CYTH2: variants seen among roughly 807,000 people sequenced by gnomAD.
CYTH2 encodes the protein cytohesin 2, also known as cytohesin-2.
A neutral mutation model predicts 55.4 loss-of-function variants in CYTH2; 24 were observed. The observed-to-expected ratio is 0.43, with a 90% CI of 0.31 to 0.61. The LOEUF (loss-of-function observed/expected upper bound fraction) is 0.61, where lower values mean the gene tolerates loss of function less well. Among genes scored for constraint, CYTH2 ranks in the 20% least tolerant of loss-of-function variants. The pLI, the probability that CYTH2 is intolerant of heterozygous loss-of-function variation, is 0.08. For missense variants in CYTH2, 378 were observed against 533.5 expected (o/e 0.71, Z 2.87); for synonymous variants, 221 against 209.6 (o/e 1.05, Z -0.47).
At chr19:48,475,052 A>G in intron 8 of CYTH2, 103 bp downstream of exon 8, 1 of 1,032,614 alleles carries the variant, frequency 9.7e-7, no homozygotes, top group East Asian at 2.5e-5. Flanking sequence ...AACTGAGGCA[A>G]ATGATTCGAC....
chr19:48,474,263 T>C lies in CYTH2; in HGVS notation c.629T>C (p.Leu210Pro). ...HNPNVRDKPG[L>P]ERFVAMNRGI... ...CCCAATGTCCGGGACAAGCCGGGCC[T>C]GGAGCGCTTTGTGGCCATGAACCGG... The change falls in exon 7 of 12, where the codon CTG (leucine) becomes CCG (proline). Residue 210 changes from leucine to proline, a missense_variant. Transcript: ENST00000452733. The surrounding 1 kb of genome is among the most constrained non-coding windows in gnomAD (Gnocchi z 4.9). The C allele has an allele frequency of 8.1e-6, 13 of 1,613,714 alleles. No individual in the cohort carries two copies. Among genetic ancestry groups the C allele is most frequent in the Non-Finnish European group, 1.1e-5 (13 of 1,179,786 alleles).
Position 48,470,761 on chromosome 19 carries a change from G to T in CYTH2, c.234+92G>T. ...GGTTCCAGAAGCGTGATGGTGCCGG[G>T]TCTATTCTAGGTGGACAGACTTGGT... On this transcript the variant is annotated intron_variant, in intron 3 of 11. Coordinates refer to ENST00000452733, the MANE Select transcript of CYTH2 (RefSeq NM_004228.7). 5 of 1,416,790 alleles carry T rather than the reference G, an allele frequency of 3.5e-6. No homozygotes were observed. In the Admixed American group the frequency reaches 7.0e-5, roughly 20 times the overall value. The allele number at this position is 1,416,790 out of a possible 1,614,324, so 87.8% of individuals were successfully genotyped here.
In CYTH2 at chr19:48,471,125, G is replaced by A. The variant is rs541635276; in HGVS notation, c.234+456G>A. On this transcript the variant is annotated intron_variant, in intron 3 of 11. Transcript: ENST00000452733. ...CAGGTCGGGTTTGAAGGATGAGTAG[G>A]TGTTCACCAGGTGGAGGAAAGGCTT... 5.1e-4 allele frequency among the ~76,000 whole-genome samples: 76 copies of A among 150,082 alleles called. 2 individuals carry two copies. In the South Asian group the frequency reaches 0.014, roughly 28 times the overall value.
rs1221507652 is a variant in CYTH2 at position 48,479,226 on chromosome 19, T to G, written c.*16T>G. ...GCAGCCCTGACCCCCTGCCCCCAAC[T>G]CCATTATTTATTACGGAGCTGCCCC... On this transcript the variant is annotated 3_prime_UTR_variant, in exon 12 of 12. Coordinates refer to ENST00000452733, the MANE Select transcript of CYTH2 (RefSeq NM_004228.7). 7 of 1,613,712 alleles carry G rather than the reference T, an allele frequency of 4.3e-6. No homozygotes were observed. Among genetic ancestry groups the G allele is most frequent in the Non-Finnish European group, 5.9e-6 (7 of 1,179,724 alleles).
chr19:48,473,474 C>G, intron 5 of CYTH2, 96 bp downstream of exon 5: 1 of 1,325,548 alleles, frequency 7.5e-7, no homozygotes, highest in South Asian at 1.2e-5. Flanking sequence ...AAAACAGAAA[C>G]AAGCAAAACA....
rs1972048508 is a variant in CYTH2 at position 48,481,749 on chromosome 19, G to T, written c.*2539G>T. 1 of 152,834 alleles carries T rather than the reference G, an allele frequency of 6.5e-6. No homozygotes were observed. Among genetic ancestry groups the T allele is most frequent in the Non-Finnish European group, 1.5e-5 (1 of 68,496 alleles). 9.5% of individuals were successfully genotyped at this position (152,834 alleles called of 1,614,324 possible). On this transcript the variant is annotated 3_prime_UTR_variant, in exon 12 of 12. Coordinates refer to ENST00000452733, the MANE Select transcript of CYTH2 (RefSeq NM_004228.7). Reference sequence around the variant, plus strand: ...GCTGGTCTCGAACTCCTGACCTCAGGCGATCCATCTGTCTCAGCCTCCCAA... The same window carrying T: ...GCTGGTCTCGAACTCCTGACCTCAGTCGATCCATCTGTCTCAGCCTCCCAA...
In CYTH2 at chr19:48,478,301, C is replaced by T. The variant is rs1056813506; in HGVS notation, c.912C>T (p.Pro304=). 1.9e-6 allele frequency: 3 copies of T among 1,613,834 alleles called. No homozygotes were observed. The highest frequency in any genetic ancestry group is 2.5e-6 in the Non-Finnish European group (3 of 1,180,002). ...ACAAGGAGCCCCGAGGAATCATCCCCCTGGAGAATCTGAGCATCCGAGAGG... is the reference window on the plus strand; with the variant it reads ...ACAAGGAGCCCCGAGGAATCATCCCTCTGGAGAATCTGAGCATCCGAGAGG... ...TTDKEPRGII[P]LENLSIREVD... The change falls in exon 10 of 12, where the codon CCC becomes CCT. Residue 304 remains proline, a synonymous_variant. Transcript: ENST00000452733.
Position 48,479,423 on chromosome 19 carries a change from G to C in CYTH2, c.*213G>C. On this transcript the variant is annotated 3_prime_UTR_variant, in exon 12 of 12. Transcript: ENST00000452733. Reference sequence around the variant, plus strand: ...CCCCTCATTTCTTGGGGTTGACAGAGTCGAGGTGCTCCGTGGAGCCAGCCT... The same window carrying C: ...CCCCTCATTTCTTGGGGTTGACAGACTCGAGGTGCTCCGTGGAGCCAGCCT... 1 of 565,244 alleles carries C rather than the reference G, an allele frequency of 1.8e-6. No homozygotes were observed. The highest frequency in any genetic ancestry group is 3.1e-6 in the Non-Finnish European group (1 of 319,078). The allele number at this position is 565,244 out of a possible 1,614,324, so 35.0% of individuals were successfully genotyped here. A position where few individuals can be genotyped will look rare whatever the true frequency, so the allele number is the denominator to read the frequency against.
chr19:48,474,686 A>C lies in CYTH2; in HGVS notation c.697-152A>C, dbSNP rs1601024370. On this transcript the variant is annotated intron_variant, in intron 7 of 11. Transcript: ENST00000452733. This position sits in a 1 kb window ranked among gnomAD's most constrained non-coding sequence, Gnocchi z 4.9. ...TCCTCCGCCACCTCAGCCTCCCTCC[A>C]CTTCTCTGCCTTTCACTTCCCTCTC... 1.5e-6 allele frequency: 1 copy of C among 672,382 alleles called. No homozygotes were observed. Among genetic ancestry groups the C allele is most frequent in the South Asian group, 1.7e-5 (1 of 57,502 alleles). 41.7% of individuals were successfully genotyped at this position (672,382 alleles called of 1,614,324 possible).
intron 5 of CYTH2, 64 bp downstream of exon 5, chr19:48,473,442 G>A: frequency 6.6e-7 from 1 of 1,525,796 alleles, no homozygotes; most frequent in Non-Finnish European, 9.1e-7. Context: ...CTAGTTACAA[G>A]TGACAAACCT....
rs374259450 is a variant in CYTH2 at position 48,472,340 on chromosome 19, G to A, written c.250G>A (p.Val84Met). Reference sequence around the variant, plus strand: ...CACCCACCAGGGGATCCAGTTCTTGGTGGAGAATGAACTGCTGCAGAACAC... The same window carrying A: ...CACCCACCAGGGGATCCAGTTCTTGATGGAGAATGAACTGCTGCAGAACAC... ...MDPKKGIQFL[V>M]ENELLQNTPE... The change falls in exon 4 of 12, where the codon GTG becomes ATG. Residue 84 changes from valine to methionine, a missense_variant. Physicochemically the swap from Val to Met is conservative, Grantham distance 21. Coordinates refer to ENST00000452733, the MANE Select transcript of CYTH2 (RefSeq NM_004228.7). The A allele has an allele frequency of 8.1e-6, 13 of 1,613,880 alleles. No homozygotes were observed. Among genetic ancestry groups the A allele is most frequent in the Non-Finnish European group, 1.1e-5 (13 of 1,180,020 alleles).
At position 48,479,165 on chromosome 19, in the gene CYTH2, GAGAA is replaced by G; in HGVS notation, c.1160_1163del (p.Lys387SerfsTer51). On this transcript the variant is annotated frameshift_variant, in exon 12 of 12. Coordinates refer to ENST00000452733, the MANE Select transcript of CYTH2 (RefSeq NM_004228.7). LOFTEE classifies it high-confidence loss of function. ...ACCCCTTCTATGAGATGCTGGCAGC[GAGAA>G]AGAAGCGGATTTCAGTCAAGAAGAA... 6.2e-7 allele frequency: 1 copy of G among 1,614,054 alleles called. No homozygotes were observed. Among genetic ancestry groups the G allele is most frequent in the Non-Finnish European group, 8.5e-7 (1 of 1,179,982 alleles).
In CYTH2 at chr19:48,479,164, C is replaced by T. The variant is rs759539903; in HGVS notation, c.1154C>T (p.Ala385Val). 105 of 1,613,922 alleles carry T rather than the reference C, an allele frequency of 6.5e-5. No homozygotes were observed. Among genetic ancestry groups the T allele is most frequent in the Non-Finnish European group, 8.6e-5 (102 of 1,179,972 alleles). Residue 385 changes from alanine to valine, a missense_variant, in exon 12 of 12, where the codon GCG becomes GTG. By Grantham distance (64) the Ala-to-Val change is moderately conservative. Coordinates refer to ENST00000452733, the MANE Select transcript of CYTH2 (RefSeq NM_004228.7). ...GACCCCTTCTATGAGATGCTGGCAG[C>T]GAGAAAGAAGCGGATTTCAGTCAAG... ...SVDPFYEMLA[A>V]RKKRISVKKK...
At chr19:48,478,174 G>T (rs1470534735) in intron 9 of CYTH2, 29 bp downstream of exon 9, 7 of 1,613,134 alleles carry the variant, frequency 4.3e-6, no homozygotes, top group Non-Finnish European at 5.9e-6. Context: ...GGGCTCTGGG[G>T]TCCTGGGCGG....
intron 1 of CYTH2, chr19:48,469,730 C>T (rs1346568306): frequency 1.2e-6 from 1 of 840,702 alleles, no homozygotes. Context: ...TTGGGCTGAG[C>T]CTGTTTCCGG....
In CYTH2 at chr19:48,480,484, G is replaced by A. The variant is rs1269364298; in HGVS notation, c.*1274G>A. ...CTGCCGGCCTGAAGGCCCCCGCGGT[G>A]GGGGTACCCTGCGCCCCTCCGCGGG... is the stretch of plus-strand genomic sequence containing the variant. On this transcript the variant is annotated 3_prime_UTR_variant, in exon 12 of 12. Coordinates refer to ENST00000452733, the MANE Select transcript of CYTH2 (RefSeq NM_004228.7). The A allele has an allele frequency of 6.6e-6, 1 of 152,230 alleles. No individual in the cohort carries two copies. The highest frequency in any genetic ancestry group is 6.5e-5 in the Admixed American group (1 of 15,282). 9.4% of individuals were successfully genotyped at this position (152,230 alleles called of 1,614,324 possible). A position where few individuals can be genotyped will look rare whatever the true frequency, so the allele number is the denominator to read the frequency against.
At position 48,478,070 on chromosome 19, in the gene CYTH2, G is replaced by A. The variant is rs1344405174; in HGVS notation, c.810G>A (p.Gly270=). Residue 270 remains glycine, a splice_region_variant and synonymous_variant, in exon 9 of 12, where the codon GGG becomes GGA. Transcript: ENST00000452733. ...PDREGWLLKL[G]GRVKTWKRRW... Reference sequence around the variant, plus strand: ...CCCCTCCCACCCCTTCCCTTTCAGGGGGCCGGGTGAAGACGTGGAAGCGGC... The same window carrying A: ...CCCCTCCCACCCCTTCCCTTTCAGGAGGCCGGGTGAAGACGTGGAAGCGGC... The A allele has an allele frequency of 1.2e-6, 2 of 1,613,868 alleles. No homozygotes were observed. Among genetic ancestry groups the A allele is most frequent in the African/African-American group, 2.7e-5 (2 of 74,930 alleles).
intron 3 of CYTH2, 45 bp downstream of exon 3, chr19:48,470,714 G>T (rs777161616): frequency 1.2e-6 from 2 of 1,612,134 alleles, no homozygotes; most frequent in East Asian, 2.2e-5. Context: ...AAACATCCAG[G>T]CAGGGGCTTC....
chr19:48,478,387 T>A, intron 10 of CYTH2, 41 bp downstream of exon 10: 2 of 1,613,458 alleles, frequency 1.2e-6, no homozygotes, highest in Non-Finnish European at 1.7e-6. Flanking sequence ...GGGCGGGGCC[T>A]CCTCTGCCCA....
Sources: allele counts gnomAD v4.1 joint callset (sites outside exome capture counted in the v4.1 genomes callset), GRCh38; gene constraint gnomAD v4.1.1; non-coding constraint Gnocchi (gnomAD v3.1); transcripts MANE v1.5; gene names NCBI Gene and HGNC (gene_info 2026-07-23, HGNC 2026-07-21).